The following ZMIZ1 variants were observed in gnomAD, a reference collection of about 807,000 sequenced individuals.
ZMIZ1 encodes zinc finger MIZ domain-containing protein 1.
ZMIZ1 carries 17 observed loss-of-function variants against 113.9 expected under a neutral mutation model. That is an observed-to-expected ratio of 0.15 (90% CI 0.10 to 0.22). The LOEUF is 0.22. Among genes scored for constraint, ZMIZ1 ranks in the 10% least tolerant of loss-of-function variants. ZMIZ1 has a pLI of 1.00. For missense variants in ZMIZ1, 1,059 were observed against 1,477.8 expected (o/e 0.72, Z 4.65); for synonymous variants, 607 against 603.1 (o/e 1.01, Z -0.09).
At chr10:79,211,981 G>A (rs1408194979) in intron 6 of ZMIZ1, among the ~76,000 whole-genome samples, 1 of 152,154 alleles carries the variant, frequency 6.6e-6, no homozygotes, top group Non-Finnish European at 1.5e-5. Context: ...AGACTTTTCG[G>A]GTCCCGCCCC....
intron 14 of ZMIZ1, among the ~76,000 whole-genome samples, 195 bp downstream of exon 14, chr10:79,297,885 G>A (rs1408802567): frequency 6.6e-6 from 1 of 152,136 alleles, no homozygotes; most frequent in Non-Finnish European, 1.5e-5. Context: ...GAGCCCCAGG[G>A]TAAAGTGTCA....
At chr10:79,169,066 A>C (rs1408798291) in intron 4 of ZMIZ1, among the ~76,000 whole-genome samples, 1 of 152,040 alleles carries the variant, frequency 6.6e-6, no homozygotes, top group Non-Finnish European at 1.5e-5. Context: ...ATCTTTAGGG[A>C]CCTCTGTTGG....
chr10:79,265,283 G>A (rs1484084155), intron 7 of ZMIZ1, among the ~76,000 whole-genome samples: 3 of 152,058 alleles, frequency 2.0e-5, no homozygotes, highest in African/African-American at 7.2e-5. Flanking sequence ...CAGGGAAGCA[G>A]GTAGGGCAGG....
At chr10:79,276,370 C>T (rs1285707260) in intron 7 of ZMIZ1, among the ~76,000 whole-genome samples, 3 of 152,188 alleles carry the variant, frequency 2.0e-5, no homozygotes, top group Non-Finnish European at 2.9e-5. Flanking sequence ...CCTGTGGCCA[C>T]GTGGGGACAG....
At chr10:79,116,691 A>G (rs759524316) in intron 1 of ZMIZ1, among the ~76,000 whole-genome samples, 3 of 152,142 alleles carry the variant, frequency 2.0e-5, no homozygotes, top group Non-Finnish European at 4.4e-5. Context: ...GAAGTGTTAC[A>G]CCCATGCAGA....
intron 1 of ZMIZ1, among the ~76,000 whole-genome samples, chr10:79,093,120 AC>A (rs201764102): frequency 0.012 from 1,107 of 95,210 alleles, 22 homozygotes; most frequent in African/African-American, 0.042. Flanking sequence ...TCTTTCTACC[AC>A]CCCCCCCACC....
At chr10:79,305,970 T>C in intron 21 of ZMIZ1, 130 bp from the exon 22 acceptor site, 1 of 1,402,130 alleles carries the variant, frequency 7.1e-7, no homozygotes, top group East Asian at 2.4e-5. Context: ...TTCCGCCTCG[T>C]CCACAGTGTG....
chr10:79,150,663 A>G (rs1311027184), intron 3 of ZMIZ1, among the ~76,000 whole-genome samples: 1 of 152,186 alleles, frequency 6.6e-6, no homozygotes, highest in Non-Finnish European at 1.5e-5. Context: ...TGAGCATCCC[A>G]TGGGATAAAG....
chr10:79,216,556 A>G (rs1188621005), intron 7 of ZMIZ1, among the ~76,000 whole-genome samples: 1 of 152,146 alleles, frequency 6.6e-6, no homozygotes, highest in African/African-American at 2.4e-5. Flanking sequence ...TACAGGCAGG[A>G]CCAGCATCAG....
chr10:79,260,002 G>A (rs1400460213), intron 7 of ZMIZ1, among the ~76,000 whole-genome samples: 3 of 152,172 alleles, frequency 2.0e-5, no homozygotes, highest in Admixed American at 6.5e-5. Context: ...GTGAGGTAAG[G>A]GTCACGTTTC....
intron 19 of ZMIZ1, 79 bp downstream of exon 19, chr10:79,304,254 A>G (rs996441205): frequency 1.1e-5 from 17 of 1,544,530 alleles, no homozygotes; most frequent in Non-Finnish European, 1.5e-5. Flanking sequence ...CAGAGGGGCA[A>G]CAGAGCCTGT....
intron 3 of ZMIZ1, among the ~76,000 whole-genome samples, chr10:79,143,180 A>G (rs1845346345): frequency 6.6e-6 from 1 of 151,818 alleles, no homozygotes; most frequent in Non-Finnish European, 1.5e-5. Flanking sequence ...GGAGCTCCCC[A>G]CCGCTCCATC....
At chr10:79,155,660 T>A (rs977356107) in intron 3 of ZMIZ1, among the ~76,000 whole-genome samples, 1 of 152,204 alleles carries the variant, frequency 6.6e-6, no homozygotes, top group Non-Finnish European at 1.5e-5. Context: ...CCCTCCAGCT[T>A]GGCCCTGAGA....
Position 79,306,325 on chromosome 10 carries a change from C to A in ZMIZ1, c.2649C>A (p.Ser883=), listed in dbSNP as rs2132088909. The change falls in exon 22 of 25, where the codon TCC becomes TCA. Residue 883 remains serine (S), a synonymous_variant. Transcript: ENST00000334512. ...PLPPPPGGTN[S]NDYSSQGNNY... ...CGCCTCCCCCAGGGGGCACCAACTC[C>A]AACGACTACAGCAGCCAAGGTGGGT... 1 of 1,611,054 alleles carries A rather than the reference C, an allele frequency of 6.2e-7. No individual in the cohort carries two copies. The highest frequency in any genetic ancestry group is 2.2e-5 in the East Asian group (1 of 44,876).
chr10:79,262,471 A>G (rs1221048609), intron 7 of ZMIZ1, among the ~76,000 whole-genome samples: 1 of 152,248 alleles, frequency 6.6e-6, no homozygotes, highest in East Asian at 1.9e-4. Context: ...AGTGTGTTAC[A>G]CTGAGTAACA....
At chr10:79,144,464 C>G (rs1321006696) in intron 3 of ZMIZ1, among the ~76,000 whole-genome samples, 1 of 152,188 alleles carries the variant, frequency 6.6e-6, no homozygotes, top group Non-Finnish European at 1.5e-5. Flanking sequence ...GGCCACGCAG[C>G]AAGTCAAGGA....
intron 9 of ZMIZ1, 132 bp from the exon 10 acceptor site, chr10:79,290,827 C>CG: frequency 9.8e-7 from 1 of 1,022,480 alleles, no homozygotes; most frequent in Non-Finnish European, 1.5e-6. Context: ...CATCCACCCT[C>CG]CATTTTTTTC....
At chr10:79,138,707 T>C (rs1460121282) in intron 2 of ZMIZ1, among the ~76,000 whole-genome samples, 4 of 152,226 alleles carry the variant, frequency 2.6e-5, no homozygotes, top group Non-Finnish European at 4.4e-5. Flanking sequence ...TGCCAAAGCT[T>C]GGCCCAGGTA....
chr10:79,270,826 G>T (rs765953377), intron 7 of ZMIZ1, among the ~76,000 whole-genome samples: 7 of 152,180 alleles, frequency 4.6e-5, no homozygotes, highest in Non-Finnish European at 1.5e-5. Context: ...GAGAGGCTGG[G>T]TCTGGGTCTT....
Sources: gnomAD v4.1 joint callset for allele counts (sites outside exome capture counted in the v4.1 genomes callset) on GRCh38, gnomAD v4.1.1 for gene constraint, MANE v1.5 for transcripts, NCBI Gene and HGNC (gene_info 2026-07-23, HGNC 2026-07-21) for gene names.